MCPH1: variants seen among roughly 807,000 people sequenced by gnomAD.
MCPH1 encodes microcephalin.
MCPH1 carries 104 observed loss-of-function variants against 84.5 expected under a neutral mutation model. That is an observed-to-expected ratio of 1.23 (90% CI 1.05 to 1.45). The LOEUF is 1.45. Among genes scored for constraint, MCPH1 ranks in the 40% most tolerant of loss-of-function variants. The pLI is 0.00. For missense variants in MCPH1, 1,498 were observed against 1,005.7 expected (o/e 1.49, Z -6.62); for synonymous variants, 514 against 366.8 (o/e 1.40, Z -4.58).
chr8:6,485,606 C>G (rs1272068340), intron 11 of MCPH1, among the ~76,000 whole-genome samples: 1 of 151,600 alleles, frequency 6.6e-6, no homozygotes, highest in Non-Finnish European at 1.5e-5. Context: ...TTTTTTTCCC[C>G]TCATTCATGG....
chr8:6,429,309 T>C (rs1801504741), intron 3 of MCPH1, among the ~76,000 whole-genome samples: 1 of 152,134 alleles, frequency 6.6e-6, no homozygotes, highest in African/African-American at 2.4e-5. Flanking sequence ...AGTGCCCCCA[T>C]TGGACACAGG....
intron 13 of MCPH1, chr8:6,642,761 C>A (rs1157819970): frequency 1.7e-6 from 1 of 577,410 alleles, no homozygotes; most frequent in Non-Finnish European, 3.2e-6. Flanking sequence ...ATGTGGCTAC[C>A]AAGCACTTGA....
rs895762412 is a variant in MCPH1 at position 6,553,821 on chromosome 8, C to G, written c.2214+53892C>G. ...ATGTCAGACGGTCCTTATAAAGTCC[C>G]ACGTGATTCAGCCACTGAGGATGGC... On this transcript the variant is annotated intron_variant, in intron 12 of 13. Transcript: ENST00000344683. Among the ~76,000 whole-genome samples the G allele has an allele frequency of 3.3e-5, 5 of 152,208 alleles. No homozygotes were observed. In the South Asian group the frequency reaches 6.2e-4, roughly 19 times the overall value.
intron 4 of MCPH1, among the ~76,000 whole-genome samples, chr8:6,431,908 C>A (rs934610991): frequency 1.5e-4 from 23 of 152,150 alleles, no homozygotes; most frequent in African/African-American, 5.6e-4. Context: ...AGCCAAAATA[C>A]CTGCATTCTG....
intron 12 of MCPH1, among the ~76,000 whole-genome samples, chr8:6,561,930 C>T (rs1825602736): frequency 6.6e-6 from 1 of 152,210 alleles, no homozygotes; most frequent in Non-Finnish European, 1.5e-5. Context: ...CCTGTCGTGG[C>T]ATGACTTGAA....
At chr8:6,547,824 G>A (rs905300046) in intron 12 of MCPH1, among the ~76,000 whole-genome samples, 16 of 152,068 alleles carry the variant, frequency 1.1e-4, no homozygotes, top group Non-Finnish European at 1.6e-4. Context: ...GAAGGGAGCC[G>A]TGGCAGAGGT....
chr8:6,639,582 G>C (rs972907063), intron 13 of MCPH1, among the ~76,000 whole-genome samples: 1 of 151,598 alleles, frequency 6.6e-6, no homozygotes, highest in Non-Finnish European at 1.5e-5. Flanking sequence ...AGGATCACTC[G>C]AGGACAGGAA....
intron 12 of MCPH1, among the ~76,000 whole-genome samples, chr8:6,593,086 T>TTG (rs1401851309): frequency 6.7e-6 from 1 of 148,558 alleles, no homozygotes; most frequent in Non-Finnish European, 1.5e-5. Flanking sequence ...GTGTGGTTTT[T>TTG]TTTTTTTTTT....
chr8:6,560,355 C>G (rs921291), intron 12 of MCPH1, among the ~76,000 whole-genome samples: 2 of 152,006 alleles, frequency 1.3e-5, no homozygotes, highest in African/African-American at 4.8e-5. Flanking sequence ...TGGCTTATCT[C>G]TCATTCCATT....
Position 6,647,796 on chromosome 8 carries a change from G to A in MCPH1, c.*4747G>A, listed in dbSNP as rs11781837. 9,625 of 152,240 alleles carry A rather than the reference G, an allele frequency of 0.063. 385 individuals carry two copies. Among genetic ancestry groups the A allele is most frequent in the Middle Eastern group, 0.13 (37 of 294 alleles). 9.4% of individuals were successfully genotyped at this position (152,240 alleles called of 1,614,324 possible). On this transcript the variant is annotated 3_prime_UTR_variant, in exon 14 of 14. Transcript: ENST00000344683. ...AGAGAGCAAACATTTTGGGATGATG[G>A]AAACATTCTAAAACTGGATTGTGAT...
chr8:6,573,160 G>A (rs1470790344), intron 12 of MCPH1, among the ~76,000 whole-genome samples: 1 of 152,206 alleles, frequency 6.6e-6, no homozygotes, highest in African/African-American at 2.4e-5. Flanking sequence ...GTCTGCTTAG[G>A]AATTGGGGTT....
chr8:6,498,814 T>C (rs1811596268), intron 11 of MCPH1, among the ~76,000 whole-genome samples: 1 of 152,096 alleles, frequency 6.6e-6, no homozygotes, highest in Non-Finnish European at 1.5e-5. Flanking sequence ...GCATTGAGGC[T>C]GAGGTCAGCA....
At chr8:6,591,415 A>T (rs1828442650) in intron 12 of MCPH1, among the ~76,000 whole-genome samples, 1 of 152,168 alleles carries the variant, frequency 6.6e-6, no homozygotes, top group Non-Finnish European at 1.5e-5. Context: ...TGGTAACGTG[A>T]TTTCTCACTG....
chr8:6,486,986 CAG>C (rs1387294355), intron 11 of MCPH1, among the ~76,000 whole-genome samples: 2 of 152,168 alleles, frequency 1.3e-5, no homozygotes, highest in Non-Finnish European at 2.9e-5. Context: ...AACATACAAG[CAG>C]AGTGTCCTGT....
chr8:6,647,068 T>A lies in MCPH1; in HGVS notation c.*4019T>A, dbSNP rs867510638. ...CAAATCATATATCTGATAAAGGACT[T>A]GTACCCAGACCATGTAAAGAACTCA... On this transcript the variant is annotated 3_prime_UTR_variant, in exon 14 of 14. Transcript: ENST00000344683. 1 of 151,702 alleles carries A rather than the reference T, an allele frequency of 6.6e-6. No individual in the cohort carries two copies. Among genetic ancestry groups the A allele is most frequent in the African/African-American group, 2.4e-5 (1 of 41,272 alleles). 9.4% of individuals were successfully genotyped at this position (151,702 alleles called of 1,614,324 possible). A position where few individuals can be genotyped will look rare whatever the true frequency, so the allele number is the denominator to read the frequency against.
At chr8:6,462,321 CTGT>C (rs1806380038) in intron 9 of MCPH1, among the ~76,000 whole-genome samples, 1 of 152,164 alleles carries the variant, frequency 6.6e-6, no homozygotes, top group Non-Finnish European at 1.5e-5. Context: ...AGTCTATATC[CTGT>C]TAGTCTCTTA....
intron 13 of MCPH1, among the ~76,000 whole-genome samples, chr8:6,633,788 T>C (rs1251661919): frequency 6.6e-6 from 1 of 152,220 alleles, no homozygotes; most frequent in Non-Finnish European, 1.5e-5. Context: ...CATGCATTAC[T>C]CACTGTGGTT....
intron 3 of MCPH1, among the ~76,000 whole-genome samples, chr8:6,416,263 C>G (rs1171510187): frequency 6.6e-6 from 1 of 151,844 alleles, no homozygotes; most frequent in Non-Finnish European, 1.5e-5. Context: ...CATTTCTAGT[C>G]TGGCCGCATG....
chr8:6,428,638 C>G (rs1801405923), intron 3 of MCPH1, among the ~76,000 whole-genome samples: 1 of 152,120 alleles, frequency 6.6e-6, no homozygotes, highest in East Asian at 1.9e-4. Context: ...TGTCTGGCTT[C>G]TTTCTCTTAG....
Sources: allele counts gnomAD v4.1 joint callset (sites outside exome capture counted in the v4.1 genomes callset), GRCh38; gene constraint gnomAD v4.1.1; transcripts MANE v1.5; gene names NCBI Gene and HGNC (gene_info 2026-07-23, HGNC 2026-07-21).